Variants in ZC3H7A observed in about 807,000 individuals in gnomAD.
ZC3H7A encodes zinc finger CCCH domain-containing protein 7A.
A neutral mutation model predicts 125.5 loss-of-function variants in ZC3H7A; 44 were observed. The observed-to-expected ratio is 0.35, with a 90% CI of 0.28 to 0.45. ZC3H7A has a LOEUF of 0.45. Ranked by LOEUF, ZC3H7A falls within the 20% of genes least tolerant of loss-of-function variation. The pLI, the probability that ZC3H7A is intolerant of heterozygous loss-of-function variation, is 1.00. For missense variants in ZC3H7A, 977 were observed against 1,170.7 expected, an observed-to-expected ratio of 0.83 and a Z score of 2.41; for synonymous variants, 399 against 391.2, an observed-to-expected ratio of 1.02 and a Z score of -0.23.
chr16:11,794,013 C>T (rs2053394202), intron 1 of ZC3H7A, among the ~76,000 whole-genome samples: 1 of 152,190 alleles, frequency 6.6e-6, no homozygotes, highest in South Asian at 2.1e-4. Context: ...GCTCCGCCTG[C>T]CAAGAGCCTC....
At position 11,758,385 on chromosome 16, in the gene ZC3H7A, C is replaced by T. The variant is rs2052688391; in HGVS notation, c.2428+46G>A. On this transcript the variant is annotated intron_variant, in intron 20 of 22. Coordinates refer to ENST00000355758, the MANE Select transcript of ZC3H7A (RefSeq NM_014153.4). ...GGCATATTTATAGAGAGGAAAAGAA[C>T]TTTCAGGCAAGCTAGCTCAAGGACA... 4 of 1,449,576 alleles carry T rather than the reference C, an allele frequency of 2.8e-6. No homozygotes were observed. In the African/African-American group the frequency reaches 4.2e-5, roughly 15 times the overall value. The allele number at this position is 1,449,576 out of a possible 1,614,324, so 89.8% of individuals were successfully genotyped here.
chr16:11,765,497 G>T lies in ZC3H7A; in HGVS notation c.1711C>A (p.Leu571Ile). The T allele has an allele frequency of 6.2e-7, 1 of 1,612,254 alleles. No homozygotes were observed. The highest frequency in any genetic ancestry group is 8.5e-7 in the Non-Finnish European group (1 of 1,178,954). ...LQEHLGEFIF[L>I]CEKCFDHKPR... ...AGTTTTGGAGAACACACCTCACAAA[G>T]GAATATAAATTCCCCAAGATGCTCC... The change falls in exon 14 of 23, where the codon CTT becomes ATT. Residue 571 changes from leucine to isoleucine, a missense_variant. Leu to Ile is a conservative substitution (Grantham distance 5, BLOSUM62 2). Around this residue, in one of 3 missense-constraint regions of ZC3H7A, gnomAD observed 436 missense variants for 603.2 expected, o/e 0.72. Transcript: ENST00000355758. This position sits in a 1 kb window ranked among gnomAD's most constrained non-coding sequence, Gnocchi z 4.8.
intron 7 of ZC3H7A, among the ~76,000 whole-genome samples, chr16:11,775,996 C>T (rs1189035524): frequency 2.0e-5 from 3 of 151,936 alleles, no homozygotes; most frequent in Non-Finnish European, 2.9e-5. Flanking sequence ...CCCATCGCTA[C>T]AAAAAATACA....
chr16:11,783,006 T>G (rs2053199028), intron 1 of ZC3H7A: 1 of 152,562 alleles, frequency 6.6e-6, no homozygotes, highest in African/African-American at 2.4e-5. Flanking sequence ...CCCCTTCCTT[T>G]CCTCTTCCCT....
At chr16:11,784,788 A>G (rs2053229350) in intron 1 of ZC3H7A, among the ~76,000 whole-genome samples, 1 of 147,852 alleles carries the variant, frequency 6.8e-6, no homozygotes, top group Non-Finnish European at 1.5e-5. Context: ...TGGGAGGCGG[A>G]GGTTGCAGTG....
chr16:11,783,228 C>T (rs1329211165), intron 1 of ZC3H7A, among the ~76,000 whole-genome samples: 3 of 152,124 alleles, frequency 2.0e-5, no homozygotes, highest in Non-Finnish European at 4.4e-5. Flanking sequence ...ATTGTTGATA[C>T]AACAGATAAA....
Position 11,761,650 on chromosome 16 carries a change from G to A in ZC3H7A, c.2214-139C>T, listed in dbSNP as rs537482789. The A allele has an allele frequency of 4.7e-5, 42 of 898,828 alleles. No homozygotes were observed. In the African/African-American group the frequency reaches 5.2e-4, roughly 11 times the overall value. 55.7% of individuals were successfully genotyped at this position (898,828 alleles called of 1,614,324 possible). Reference sequence around the variant, plus strand: ...TCTAAAAGAAATACCTTATGATTCTGTATTTTCACTTCCTATTGTCATTTA... The same window carrying A: ...TCTAAAAGAAATACCTTATGATTCTATATTTTCACTTCCTATTGTCATTTA... On this transcript the variant is annotated intron_variant, in intron 18 of 22. Transcript: ENST00000355758.
intron 22 of ZC3H7A, among the ~76,000 whole-genome samples, chr16:11,752,339 G>T (rs2052567372): frequency 6.6e-6 from 1 of 152,196 alleles, no homozygotes; most frequent in Non-Finnish European, 1.5e-5. Context: ...GTGAGCAAAG[G>T]TTGTGGCAAA....
chr16:11,791,715 C>G (rs1018307397), intron 1 of ZC3H7A, among the ~76,000 whole-genome samples: 11 of 152,286 alleles, frequency 7.2e-5, no homozygotes, highest in African/African-American at 2.6e-4. Context: ...GCAAACAGAG[C>G]TGGTTATAGT....
rs545409000 is a variant in ZC3H7A at position 11,782,444 on chromosome 16, T to C, written c.-34-56A>G. The C allele has an allele frequency of 4.9e-4, 694 of 1,414,000 alleles. 3 individuals are homozygous for C. Among genetic ancestry groups the C allele is most frequent in the Middle Eastern group, 4.7e-3 (27 of 5,686 alleles). 87.6% of individuals were successfully genotyped at this position (1,414,000 alleles called of 1,614,324 possible). A position where few individuals can be genotyped will look rare whatever the true frequency, so the allele number is the denominator to read the frequency against. Reference sequence around the variant, plus strand: ...AGGTACCAGGGTCCCTGGACTCCAATGAAAACACCCACAAATCCAGACCTT... The same window carrying C: ...AGGTACCAGGGTCCCTGGACTCCAACGAAAACACCCACAAATCCAGACCTT... On this transcript the variant is annotated intron_variant, in intron 1 of 22. Transcript: ENST00000355758.
intron 1 of ZC3H7A, among the ~76,000 whole-genome samples, chr16:11,783,336 G>A (rs2141211577): frequency 6.6e-6 from 1 of 152,006 alleles, no homozygotes; most frequent in South Asian, 2.1e-4. Context: ...ATTCTTTTGG[G>A]CCCCACCTCC....
intron 1 of ZC3H7A, among the ~76,000 whole-genome samples, chr16:11,784,550 A>G (rs1361683898): frequency 1.3e-5 from 2 of 150,478 alleles, no homozygotes; most frequent in African/African-American, 5.0e-5. Flanking sequence ...GAGACCCCCT[A>G]TCTCTACAAA....
At position 11,752,827 on chromosome 16, in the gene ZC3H7A, G is replaced by A. The variant is rs749854717; in HGVS notation, c.2568C>T (p.Asp856=). 7 of 1,612,620 alleles carry A rather than the reference G, an allele frequency of 4.3e-6. No homozygotes were observed. The highest frequency in any genetic ancestry group is 5.9e-6 in the Non-Finnish European group (7 of 1,179,602). The change falls in exon 22 of 23, where the codon GAC becomes GAT. Residue 856 remains aspartate (D), a synonymous_variant. Transcript: ENST00000355758. ...MPTDYAEVTV[D]FHCWMCGKNC... is the part of the protein sequence containing the mutation. ...TTTTCCCACACATCCAGCAGTGAAAGTCCACCTAATGTGCAGCAAAGACAC... is the reference window on the plus strand; with the variant it reads ...TTTTCCCACACATCCAGCAGTGAAAATCCACCTAATGTGCAGCAAAGACAC...
chr16:11,760,701 C>T (rs1387376489), intron 19 of ZC3H7A, among the ~76,000 whole-genome samples: 5 of 152,180 alleles, frequency 3.3e-5, no homozygotes, highest in Non-Finnish European at 7.4e-5. Flanking sequence ...TGTCTGCTAA[C>T]GCACGTGTGA....
At chr16:11,793,682 C>G (rs1596409928) in intron 1 of ZC3H7A, among the ~76,000 whole-genome samples, 1 of 152,146 alleles carries the variant, frequency 6.6e-6, no homozygotes, top group African/African-American at 2.4e-5. Context: ...TAATTGGCAA[C>G]AGTATATTAA....
intron 13 of ZC3H7A, among the ~76,000 whole-genome samples, chr16:11,767,039 A>G (rs1459682519): frequency 6.6e-6 from 1 of 152,240 alleles, no homozygotes; most frequent in African/African-American, 2.4e-5. Context: ...ATGTTATAAT[A>G]AATGTAGCAA....
chr16:11,785,634 T>G (rs919219646), intron 1 of ZC3H7A, among the ~76,000 whole-genome samples: 4 of 152,148 alleles, frequency 2.6e-5, no homozygotes, highest in Admixed American at 6.5e-5. Context: ...TTTGTTTTGT[T>G]TTTTGAGACA....
Position 11,761,524 on chromosome 16 carries a change from G to C in ZC3H7A, c.2214-13C>G, listed in dbSNP as rs2052752378. ...GTCTTTGGTCCACCTAAGAAAAATG[G>C]AGTTCAGAAAAAAACAAAGACACAC... On this transcript the variant is annotated splice_polypyrimidine_tract_variant and intron_variant, in intron 18 of 22. Coordinates refer to ENST00000355758, the MANE Select transcript of ZC3H7A (RefSeq NM_014153.4). The C allele has an allele frequency of 6.2e-7, 1 of 1,613,290 alleles. No individual in the cohort carries two copies. Among genetic ancestry groups the C allele is most frequent in the Non-Finnish European group, 8.5e-7 (1 of 1,179,670 alleles).
chr16:11,789,302 C>T (rs939500517), intron 1 of ZC3H7A, among the ~76,000 whole-genome samples: 2 of 151,924 alleles, frequency 1.3e-5, no homozygotes, highest in Non-Finnish European at 2.9e-5. Context: ...CTCGCTCTGT[C>T]ACCCAGGCTG....
Sources: allele counts gnomAD v4.1 joint callset (sites outside exome capture counted in the v4.1 genomes callset), GRCh38; gene constraint gnomAD v4.1.1; regional missense constraint gnomAD v4.1.1; non-coding constraint Gnocchi (gnomAD v3.1); transcripts MANE v1.5; gene names NCBI Gene and HGNC (gene_info 2026-07-23, HGNC 2026-07-21).